The following DLG2 variants were observed in gnomAD, a reference collection of about 807,000 sequenced individuals.
The protein encoded by DLG2 is disks large homolog 2.
In DLG2, 45 loss-of-function variants were observed where a neutral mutation model predicts 132.5. The observed-to-expected ratio is 0.34, with a 90% CI of 0.27 to 0.44. The LOEUF (loss-of-function observed/expected upper bound fraction) is 0.44. DLG2 is among the 20% of genes least tolerant of loss of function. The pLI is 1.00. For synonymous variants in DLG2, 424 were observed against 419.6 expected, an observed-to-expected ratio of 1.01 and a Z score of -0.13; for missense variants, 1,045 against 1,196.9, an observed-to-expected ratio of 0.87 and a Z score of 1.87.
chr11:83,808,798 A>G (rs1482999766), intron 17 of DLG2, among the ~76,000 whole-genome samples: 1 of 152,082 alleles, frequency 6.6e-6, no homozygotes, highest in African/African-American at 2.4e-5. Flanking sequence ...TGCACTGTAA[A>G]GGTGTGGTCC....
chr11:83,751,671 C>T (rs2093319626), intron 18 of DLG2, among the ~76,000 whole-genome samples: 1 of 152,162 alleles, frequency 6.6e-6, no homozygotes, highest in African/African-American at 2.4e-5. Flanking sequence ...TTAAGGATGA[C>T]ATCAAGTTTT....
chr11:85,520,411 C>T (rs1022824649), intron 3 of DLG2, among the ~76,000 whole-genome samples: 6 of 151,768 alleles, frequency 4.0e-5, no homozygotes, highest in African/African-American at 1.5e-4. Context: ...TTAAAATAAC[C>T]TTTCTACCCA....
chr11:83,461,006 T>G (rs1440932179), intron 27 of DLG2, among the ~76,000 whole-genome samples: 3 of 71,228 alleles, frequency 4.2e-5, no homozygotes, highest in African/African-American at 9.9e-5. Context: ...TGGGTTTTTT[T>G]TTTTTTTTTT....
intron 4 of DLG2, among the ~76,000 whole-genome samples, chr11:85,160,145 G>A (rs185364933): frequency 2.0e-5 from 3 of 152,324 alleles, no homozygotes; most frequent in Non-Finnish European, 4.4e-5. Flanking sequence ...AATGCCTAGT[G>A]GGTGTACTTG....
chr11:84,913,097 T>A (rs187514966), intron 6 of DLG2, among the ~76,000 whole-genome samples: 81 of 152,278 alleles, frequency 5.3e-4, no homozygotes, highest in African/African-American at 1.9e-3. Context: ...GTGGATTAAT[T>A]AGCTCTCCAT....
chr11:84,077,999 G>T (rs73513776), intron 10 of DLG2, among the ~76,000 whole-genome samples: 2,819 of 151,998 alleles, frequency 0.019, 70 homozygotes, highest in African/African-American at 0.058. Context: ...TTTCTAGACT[G>T]GGTTTTATGA....
chr11:84,986,424 T>A (rs2056500390), intron 6 of DLG2, among the ~76,000 whole-genome samples: 2 of 152,158 alleles, frequency 1.3e-5, no homozygotes, highest in African/African-American at 4.8e-5. Context: ...GGATCCTCTA[T>A]GAAGCCAGTA....
chr11:84,741,275 C>T (rs1331676156), intron 6 of DLG2, among the ~76,000 whole-genome samples: 1 of 151,770 alleles, frequency 6.6e-6, no homozygotes, highest in Non-Finnish European at 1.5e-5. Context: ...ACCGTGGTCT[C>T]GATCTCCTGA....
intron 9 of DLG2, among the ~76,000 whole-genome samples, chr11:84,147,891 A>G (rs1484972009): frequency 6.6e-6 from 1 of 152,194 alleles, no homozygotes; most frequent in Non-Finnish European, 1.5e-5. Flanking sequence ...TAAACATTAT[A>G]ATAGCTAATA....
chr11:84,304,060 A>G (rs563757192), intron 7 of DLG2, among the ~76,000 whole-genome samples: 1 of 152,342 alleles, frequency 6.6e-6, no homozygotes, highest in East Asian at 1.9e-4. Context: ...AAAAGTATCA[A>G]TACTTATCCA....
intron 18 of DLG2, among the ~76,000 whole-genome samples, chr11:83,690,906 G>A (rs1216954336): frequency 2.6e-5 from 4 of 152,128 alleles, no homozygotes; most frequent in Non-Finnish European, 5.9e-5. Flanking sequence ...ATCCATTTAT[G>A]TATTTATGTA....
chr11:85,379,718 G>C (rs1000650166), intron 3 of DLG2, among the ~76,000 whole-genome samples: 1 of 152,182 alleles, frequency 6.6e-6, no homozygotes, highest in South Asian at 2.1e-4. Flanking sequence ...CCTAGAGCCA[G>C]TGGATTGGCA....
chr11:84,626,847 A>ACATTTTATTT (rs373094154), intron 6 of DLG2, among the ~76,000 whole-genome samples: 6,915 of 144,058 alleles, frequency 0.048, 434 homozygotes, highest in African/African-American at 0.067. Context: ...CATCAATTAC[A>ACATTTTATTT]TATTTTATTT....
At chr11:83,773,274 G>A (rs561448752) in intron 18 of DLG2, among the ~76,000 whole-genome samples, 14 of 152,268 alleles carry the variant, frequency 9.2e-5, no homozygotes, top group African/African-American at 3.4e-4. Flanking sequence ...AAATTACAAT[G>A]ATGATAATAC....
chr11:84,677,126 G>A (rs894085941), intron 6 of DLG2, among the ~76,000 whole-genome samples: 6 of 152,012 alleles, frequency 3.9e-5, no homozygotes, highest in African/African-American at 7.2e-5. Flanking sequence ...ATGTAGGTGC[G>A]TGACTAAATT....
chr11:85,050,929 C>G (rs1409917754), intron 6 of DLG2, among the ~76,000 whole-genome samples: 1 of 152,018 alleles, frequency 6.6e-6, no homozygotes, highest in African/African-American at 2.4e-5. Context: ...CCTTTTTCGT[C>G]TAGCTGGGTC....
intron 8 of DLG2, among the ~76,000 whole-genome samples, chr11:84,204,675 T>C (rs1429578516): frequency 2.0e-5 from 3 of 152,194 alleles, no homozygotes; most frequent in Non-Finnish European, 4.4e-5. Context: ...AAAAACACTC[T>C]ACAATGCTTG....
At chr11:85,136,546 T>C (rs138003902) in intron 5 of DLG2, among the ~76,000 whole-genome samples, 22 of 152,258 alleles carry the variant, frequency 1.4e-4, no homozygotes, top group African/African-American at 5.3e-4. Flanking sequence ...TTTGGCAAGA[T>C]AAAAAGCCTC....
intron 19 of DLG2, among the ~76,000 whole-genome samples, chr11:83,546,424 C>G (rs1053048410): frequency 1.3e-5 from 2 of 152,000 alleles, no homozygotes; most frequent in African/African-American, 4.8e-5. Context: ...CATAGATGGC[C>G]ATTCTCTTAT....
Sources: gnomAD v4.1 joint callset for allele counts (sites outside exome capture counted in the v4.1 genomes callset) on GRCh38, gnomAD v4.1.1 for gene constraint, MANE v1.5 for transcripts, NCBI Gene and HGNC (gene_info 2026-07-23, HGNC 2026-07-21) for gene names.